Variants in CCM2L observed in about 807,000 individuals in gnomAD.
CCM2L encodes cerebral cavernous malformations 2 protein-like.
A neutral mutation model predicts 54.1 loss-of-function variants in CCM2L; 36 were observed. The ratio of observed to expected loss-of-function variants is 0.67; its 90% CI spans 0.51 to 0.88. The LOEUF is 0.88. Ranked by LOEUF, CCM2L falls within the 40% of genes least tolerant of loss-of-function variation. The pLI is 0.00. For missense variants in CCM2L, 700 were observed against 812.1 expected (o/e 0.86, Z 1.68); for synonymous variants, 351 against 359.3 (o/e 0.98, Z 0.26).
rs1415565930 is a variant in CCM2L at position 32,019,179 on chromosome 20, G to A, written c.703G>A (p.Gly235Ser). The A allele has an allele frequency of 2.2e-5, 25 of 1,129,178 alleles. No homozygotes were observed. Among genetic ancestry groups the A allele is most frequent in the Admixed American group, 4.7e-5 (1 of 21,334 alleles). The allele number at this position is 1,129,178 out of a possible 1,614,324, so 69.9% of individuals were successfully genotyped here. The change falls in exon 5 of 10, where the codon GGC (glycine) becomes AGC (serine). Residue 235 changes from glycine (G) to serine (S), a missense_variant. Coordinates refer to ENST00000452892, the MANE Select transcript of CCM2L (RefSeq NM_001365692.1). ...ERQRAGARAS[G>S]SWERRQTFSG... is the part of the protein sequence containing the mutation. ...CCAGCGCGCCGGGGCGCGGGCGTCG[G>A]GCAGCTGGGAGCGACGGCAGACGTT...
At chr20:32,018,343 G>A (rs1202438246) in intron 4 of CCM2L, among the ~76,000 whole-genome samples, 181 bp downstream of exon 4, 1 of 152,154 alleles carries the variant, frequency 6.6e-6, no homozygotes, top group Non-Finnish European at 1.5e-5. Flanking sequence ...GAGACTAGGG[G>A]CAGGCCGAAG....
intron 1 of CCM2L, 76 bp downstream of exon 1, chr20:32,010,560 T>TGGGGGCAAAGGGGGGGGGGGG: frequency 1.9e-5 from 2 of 105,748 alleles, no homozygotes; most frequent in African/African-American, 8.8e-5. Context: ...TGGGGCGGGG[T>TGGGGGCAAAGGGGGGGGGGGG]GGGGGGTCGG....
At chr20:32,030,420 T>C (rs1439847606) in intron 9 of CCM2L, among the ~76,000 whole-genome samples, 1 of 152,220 alleles carries the variant, frequency 6.6e-6, no homozygotes, top group African/African-American at 2.4e-5. Context: ...CAGTATGTGC[T>C]GAGTACCTTG....
chr20:32,026,070 TGGAAACCCACA>T (rs1022694374), intron 7 of CCM2L, among the ~76,000 whole-genome samples, 151 bp downstream of exon 7: 36 of 152,302 alleles, frequency 2.4e-4, no homozygotes, highest in African/African-American at 8.7e-4. Context: ...TCCCTGACTC[TGGAAACCCACA>T]GGATCCAGAC....
chr20:32,014,855 C>G, intron 1 of CCM2L, 49 bp from the exon 2 acceptor site: 3 of 1,507,516 alleles, frequency 2.0e-6, no homozygotes, highest in Non-Finnish European at 8.9e-7. Context: ...AGTAAGAGTT[C>G]AATAAAAGCA....
Position 32,015,353 on chromosome 20 carries a change from T to A in CCM2L, c.198+282T>A, listed in dbSNP as rs141661136. ...TGGAAAAGTCCTATCTTTTGTCAAC[T>A]GACATAACAGAAAGGGAGACTCACT... On this transcript the variant is annotated intron_variant, in intron 2 of 9. Coordinates refer to ENST00000452892, the MANE Select transcript of CCM2L (RefSeq NM_001365692.1). Among the ~76,000 whole-genome samples the A allele has an allele frequency of 3.9e-4, 59 of 152,204 alleles. 1 individual carries two copies. The East Asian group carries it at 8.3e-3, about 21-fold the overall frequency.
rs755548732 is a variant in CCM2L, at chr20:32,029,821, G to A, written c.1385G>A (p.Arg462His). The change falls in exon 9 of 10, where the codon CGC becomes CAC. Residue 462 changes from arginine to histidine, a missense_variant. Physicochemically the swap from Arg to His is conservative, Grantham distance 29 (BLOSUM62 0). Coordinates refer to ENST00000452892, the MANE Select transcript of CCM2L (RefSeq NM_001365692.1). ...TGLLKLYGDR[R>H]KFLLLGMRPF... ...CTGCTGAAGCTCTACGGAGACCGGC[G>A]CAAGTTCCTCCTCCTTGGTGAGCCC... The A allele has an allele frequency of 1.7e-5, 27 of 1,604,570 alleles. No individual in the cohort carries two copies. Among genetic ancestry groups the A allele is most frequent in the South Asian group, 4.4e-5 (4 of 90,306 alleles).
At chr20:32,012,443 T>C (rs1399946028) in intron 1 of CCM2L, among the ~76,000 whole-genome samples, 1 of 152,132 alleles carries the variant, frequency 6.6e-6, no homozygotes, top group Non-Finnish European at 1.5e-5. Context: ...CCTGTGGTCC[T>C]AGCTACTGTG....
intron 6 of CCM2L, among the ~76,000 whole-genome samples, chr20:32,025,128 TTTC>T (rs2064844453): frequency 1.4e-5 from 2 of 147,738 alleles, no homozygotes; most frequent in South Asian, 2.1e-4. Context: ...CCTTTCTTTC[TTTC>T]TTTTCTTTTC....
chr20:32,011,199 C>T (rs1372760459), intron 1 of CCM2L, among the ~76,000 whole-genome samples: 8 of 152,046 alleles, frequency 5.3e-5, no homozygotes, highest in Non-Finnish European at 8.8e-5. Flanking sequence ...AGAAGGGAGC[C>T]AAGACATACG....
At chr20:32,017,650 A>G (rs1270726762) in intron 2 of CCM2L, 150 bp from the exon 3 acceptor site, 1 of 742,816 alleles carries the variant, frequency 1.3e-6, no homozygotes, top group Non-Finnish European at 2.4e-6. Context: ...CCTAGCTTCT[A>G]TTAAGGGCTC....
At chr20:32,011,747 G>A (rs943480030) in intron 1 of CCM2L, among the ~76,000 whole-genome samples, 1 of 152,024 alleles carries the variant, frequency 6.6e-6, no homozygotes, top group African/African-American at 2.4e-5. Context: ...AACAGCATGT[G>A]CAAAACCCCA....
intron 7 of CCM2L, among the ~76,000 whole-genome samples, chr20:32,027,459 A>G (rs2064873356): frequency 6.6e-6 from 1 of 152,250 alleles, no homozygotes; most frequent in Non-Finnish European, 1.5e-5. Context: ...TACAGCAGCT[A>G]CTGTTTATTG....
chr20:32,031,112 G>A lies in CCM2L; in HGVS notation c.1514G>A (p.Arg505His), dbSNP rs1471615975. 4 of 1,304,100 alleles carry A rather than the reference G, an allele frequency of 3.1e-6. No homozygotes were observed. The highest frequency in any genetic ancestry group is 1.5e-5 in the African/African-American group (1 of 65,876). The allele number at this position is 1,304,100 out of a possible 1,614,324, so 80.8% of individuals were successfully genotyped here. The change falls in exon 10 of 10, where the codon CGC becomes CAC. Residue 505 changes from arginine (R) to histidine (H), a missense_variant. By Grantham distance (29) the Arg-to-His change is conservative. Transcript: ENST00000452892. The part of the protein sequence containing the change: ...ILTDSFGRIK[R>H]SMSSTSASAV... ...ACTGACAGCTTCGGCCGCATCAAGC[G>A]CAGCATGAGCTCCACGTCGGCCTCC... is the stretch of plus-strand genomic sequence containing the variant.
chr20:32,020,535 C>T (rs1481771525), intron 5 of CCM2L, among the ~76,000 whole-genome samples: 1 of 152,198 alleles, frequency 6.6e-6, no homozygotes, highest in Non-Finnish European at 1.5e-5. Flanking sequence ...GAGCTCCAAC[C>T]TCCTCCCCCA....
intron 1 of CCM2L, among the ~76,000 whole-genome samples, chr20:32,012,186 C>CT (rs1289727266): frequency 1.3e-5 from 2 of 152,038 alleles, no homozygotes; most frequent in Admixed American, 6.6e-5. Flanking sequence ...TAAGAATCAC[C>CT]TGAGGGCTCA....
intron 1 of CCM2L, among the ~76,000 whole-genome samples, chr20:32,011,924 C>T (rs989118794): frequency 8.6e-5 from 13 of 151,770 alleles, no homozygotes; most frequent in Admixed American, 5.3e-4. Context: ...CACACACATA[C>T]GCAAGACAAA....
rs1323056000 is a variant in CCM2L at position 32,031,046 on chromosome 20, G to A, written c.1448G>A (p.Gly483Asp). The A allele has an allele frequency of 7.7e-7, 1 of 1,304,256 alleles. No homozygotes were observed. Among genetic ancestry groups the A allele is most frequent in the East Asian group, 5.5e-5 (1 of 18,020 alleles). 80.8% of individuals were successfully genotyped at this position (1,304,256 alleles called of 1,614,324 possible). A position where few individuals can be genotyped will look rare whatever the true frequency, so the allele number is the denominator to read the frequency against. ...IPDQDIGYFE[G>D]FLEGVGIREG... ...GACCAGGACATCGGCTACTTCGAGGGCTTCCTGGAGGGCGTGGGCATCCGC... is the reference window on the plus strand; with the variant it reads ...GACCAGGACATCGGCTACTTCGAGGACTTCCTGGAGGGCGTGGGCATCCGC... Residue 483 changes from glycine to aspartate, a missense_variant, in exon 10 of 10, where the codon GGC becomes GAC. Transcript: ENST00000452892.
At chr20:32,012,452 T>C (rs1245718160) in intron 1 of CCM2L, among the ~76,000 whole-genome samples, 1 of 152,108 alleles carries the variant, frequency 6.6e-6, no homozygotes, top group Non-Finnish European at 1.5e-5. Flanking sequence ...CTAGCTACTG[T>C]GAGGCAGAGG....
Sources: gnomAD v4.1 joint callset for allele counts (sites outside exome capture counted in the v4.1 genomes callset) on GRCh38, gnomAD v4.1.1 for gene constraint, MANE v1.5 for transcripts, NCBI Gene and HGNC (gene_info 2026-07-23, HGNC 2026-07-21) for gene names.